TMCO5A: variants seen among roughly 807,000 people sequenced by gnomAD.
TMCO5A encodes transmembrane and coiled-coil domain-containing protein 5A.
TMCO5A carries 34 observed loss-of-function variants against 42.3 expected under a neutral mutation model. The observed-to-expected ratio is 0.80, with a 90% CI of 0.61 to 1.07. The LOEUF (loss-of-function observed/expected upper bound fraction) is 1.07, where lower values mean the gene tolerates loss of function less well. Among genes scored for constraint, TMCO5A ranks in the 50% least tolerant of loss-of-function variants. The pLI is 0.00. For missense variants in TMCO5A, 357 were observed against 327.9 expected, an observed-to-expected ratio of 1.09 and a Z score of -0.69; for synonymous variants, 131 against 115.6, an observed-to-expected ratio of 1.13 and a Z score of -0.86.
chr15:38,017,554 C>T, the TMCO5A span, among the ~76,000 whole-genome samples: 2 of 152,126 alleles, frequency 1.3e-5, no homozygotes, highest in Non-Finnish European at 2.9e-5. Context: ...CTCAGTGGTA[C>T]AGGAAAGGCT....
chr15:37,959,140 TA>T (rs1380152802), intron 11 of TMCO5A, among the ~76,000 whole-genome samples: 1 of 151,688 alleles, frequency 6.6e-6, no homozygotes, highest in Non-Finnish European at 1.5e-5. Context: ...AGGGGAGGGA[TA>T]GCATTAGGAG....
intron 2 of TMCO5A, 114 bp from the exon 3 acceptor site, chr15:37,936,200 C>A (rs1286115759): frequency 5.8e-6 from 7 of 1,205,414 alleles, no homozygotes; most frequent in Non-Finnish European, 6.8e-6. Context: ...AATGGTATGC[C>A]CCCAGAGAGA....
At chr15:38,010,351 CCA>C in the TMCO5A span, among the ~76,000 whole-genome samples, 2 of 142,130 alleles carry the variant, frequency 1.4e-5, no homozygotes, top group African/African-American at 5.3e-5. Context: ...CTCCAGCACT[CCA>C]GCCTGGGCGA....
chr15:37,973,699 A>C, the TMCO5A span, among the ~76,000 whole-genome samples: 1 of 152,152 alleles, frequency 6.6e-6, no homozygotes, highest in Non-Finnish European at 1.5e-5. Context: ...ATATAGAATT[A>C]TTTTGTCTAC....
At position 37,936,451 on chromosome 15, in the gene TMCO5A, A is replaced by C. The variant is rs765547295; in HGVS notation, c.128A>C (p.Asp43Ala). ...KLLLKIQERE[D>A]KIQRLESEII... ...CTTCTCAAAATCCAAGAGAGGGAAG[A>C]TAAGATTCAGAGGTGAGTATTAAGG... Residue 43 changes from aspartate to alanine, a missense_variant, in exon 3 of 12, where the codon GAT becomes GCT. Transcript: ENST00000319669. 1.2e-5 allele frequency: 20 copies of C among 1,612,532 alleles called. No homozygotes were observed. The Admixed American group carries it at 3.2e-4, about 26-fold the overall frequency.
chr15:37,976,494 C>G, the TMCO5A span, among the ~76,000 whole-genome samples: 2 of 152,140 alleles, frequency 1.3e-5, no homozygotes, highest in Non-Finnish European at 2.9e-5. Context: ...ATGTCCGTAA[C>G]TATGTTTTCC....
chr15:38,002,709 T>C, the TMCO5A span, among the ~76,000 whole-genome samples: 18 of 152,082 alleles, frequency 1.2e-4, no homozygotes, highest in Non-Finnish European at 2.1e-4. Flanking sequence ...TTTTTAAAAT[T>C]ATTTCAATCT....
intron 3 of TMCO5A, 21 bp from the exon 4 acceptor site, chr15:37,936,826 G>A (rs1889529423): frequency 6.2e-7 from 1 of 1,610,140 alleles, no homozygotes. Context: ...GGTCCTCATG[G>A]CATGTGCTTG....
the TMCO5A span, among the ~76,000 whole-genome samples, chr15:37,976,017 G>A: frequency 6.6e-6 from 1 of 150,844 alleles, no homozygotes; most frequent in South Asian, 2.1e-4. Context: ...ACCAAGGTGG[G>A]TGGATCACCT....
At chr15:37,987,883 A>G in the TMCO5A span, among the ~76,000 whole-genome samples, 1 of 151,822 alleles carries the variant, frequency 6.6e-6, no homozygotes, top group Non-Finnish European at 1.5e-5. Flanking sequence ...AAACTTTTCT[A>G]TTTCTGCCCA....
chr15:37,947,568 C>T, intron 10 of TMCO5A, 88 bp from the exon 11 acceptor site: 1 of 860,912 alleles, frequency 1.2e-6, no homozygotes. Flanking sequence ...ATCTAAATAA[C>T]ATATAACTAA....
intron 10 of TMCO5A, among the ~76,000 whole-genome samples, chr15:37,945,919 G>A (rs1214493736): frequency 6.6e-6 from 1 of 152,044 alleles, no homozygotes; most frequent in Admixed American, 6.6e-5. Context: ...AATTGCTTTT[G>A]GCATTTTCAT....
At chr15:38,015,983 T>C in the TMCO5A span, among the ~76,000 whole-genome samples, 191 of 152,336 alleles carry the variant, frequency 1.3e-3, no homozygotes, top group Admixed American at 2.6e-3. Context: ...TAACAGTAGA[T>C]GTGTGTCATT....
chr15:38,013,816 A>T, the TMCO5A span, among the ~76,000 whole-genome samples: 2 of 152,188 alleles, frequency 1.3e-5, no homozygotes, highest in African/African-American at 2.4e-5. Flanking sequence ...GTGACTTAAA[A>T]CTATATACAA....
intron 10 of TMCO5A, among the ~76,000 whole-genome samples, chr15:37,945,269 T>C (rs1311232905): frequency 6.6e-6 from 1 of 152,160 alleles, no homozygotes; most frequent in Non-Finnish European, 1.5e-5. Context: ...CTTTATCCAG[T>C]CTATCATTGA....
intron 5 of TMCO5A, 107 bp downstream of exon 5, chr15:37,937,503 C>A (rs1405592007): frequency 1.7e-6 from 2 of 1,186,946 alleles, no homozygotes; most frequent in East Asian, 4.8e-5. Flanking sequence ...GTCAGAGAGG[C>A]CTGTATGTGG....
the TMCO5A span, among the ~76,000 whole-genome samples, chr15:38,036,363 C>G: frequency 6.6e-6 from 1 of 152,220 alleles, no homozygotes; most frequent in East Asian, 1.9e-4. Context: ...AGGACTTCCA[C>G]TACTCCCTAT....
chr15:37,963,258 G>T (rs1890477769), intron 11 of TMCO5A, among the ~76,000 whole-genome samples: 1 of 151,954 alleles, frequency 6.6e-6, no homozygotes, highest in Non-Finnish European at 1.5e-5. Flanking sequence ...TGTCATTATT[G>T]TCCTTCAGTT....
intron 6 of TMCO5A, among the ~76,000 whole-genome samples, chr15:37,939,427 A>G (rs1195143312): frequency 6.6e-6 from 1 of 152,100 alleles, no homozygotes; most frequent in Admixed American, 6.6e-5. Flanking sequence ...AGAGCTATAA[A>G]GACCCCTGAC....
Sources: gnomAD v4.1 joint callset for allele counts (sites outside exome capture counted in the v4.1 genomes callset) on GRCh38, gnomAD v4.1.1 for gene constraint, MANE v1.5 for transcripts, NCBI Gene and HGNC (gene_info 2026-07-23, HGNC 2026-07-21) for gene names.